Variants in DNAH3 observed in about 807,000 individuals in gnomAD.
The protein encoded by DNAH3 is dynein axonemal heavy chain 3, also known as axonemal beta dynein heavy chain 3.
Under a neutral mutation model 432.5 loss-of-function variants are expected in DNAH3, and 332 were observed. The ratio of observed to expected loss-of-function variants is 0.77; its 90% CI spans 0.70 to 0.84. The LOEUF (loss-of-function observed/expected upper bound fraction) is 0.84. Ranked by LOEUF, DNAH3 falls within the 40% of genes least tolerant of loss-of-function variation. DNAH3 has a pLI of 0.00. For missense variants in DNAH3, 4,861 were observed against 5,114.0 expected, an observed-to-expected ratio of 0.95 and a Z score of 1.51; for synonymous variants, 1,956 against 1,900.2, an observed-to-expected ratio of 1.03 and a Z score of -0.76.
intron 34 of DNAH3, among the ~76,000 whole-genome samples, 179 bp downstream of exon 34, chr16:21,037,582 A>C (rs973548214): frequency 1.3e-5 from 2 of 152,244 alleles, no homozygotes; most frequent in Admixed American, 1.3e-4. Flanking sequence ...AAAATCAGGC[A>C]GAGATGTTTG....
Position 20,987,924 on chromosome 16 carries a change from GAC to G in DNAH3, c.6725+16_6725+17del. ...GAACCCCCAGCCCACTATCCAGGAA[GAC>G]AGAGAAACCTCTTACCTTAAAAACA... is the stretch of plus-strand genomic sequence containing the variant. On this transcript the variant is annotated intron_variant, in intron 45 of 61. Coordinates refer to ENST00000261383, the Ensembl canonical transcript of DNAH3. 6.2e-7 allele frequency: 1 copy of G among 1,614,170 alleles called. No homozygotes were observed. Among genetic ancestry groups the G allele is most frequent in the Admixed American group, 1.7e-5 (1 of 60,010 alleles).
exon 55 of DNAH3, chr16:20,954,833 C>T: frequency 1.2e-6 from 2 of 1,614,126 alleles, no homozygotes; most frequent in Non-Finnish European, 1.7e-6. Flanking sequence ...GAAGTTTCTT[C>T]TCTCTTGAAC....
chr16:21,089,246 G>A (rs1436713043), intron 18 of DNAH3, among the ~76,000 whole-genome samples: 2 of 152,162 alleles, frequency 1.3e-5, no homozygotes, highest in Non-Finnish European at 2.9e-5. Flanking sequence ...AGCCACTGCA[G>A]GGGAAAAGTG....
chr16:21,127,037 G>A lies in DNAH3; in HGVS notation c.1208+650C>T, dbSNP rs373243143. ...AAAAATAAGGTGCACAGTAAATGCCGTGTGCTTGAATCACCCCGAAACCAT... is the reference window on the plus strand; with the variant it reads ...AAAAATAAGGTGCACAGTAAATGCCATGTGCTTGAATCACCCCGAAACCAT... On this transcript the variant is annotated intron_variant, in intron 8 of 61. Transcript: ENST00000261383. Among the ~76,000 whole-genome samples the A allele has an allele frequency of 1.6e-4, 24 of 152,108 alleles. 1 individual carries two copies. In the South Asian group the frequency reaches 4.0e-3, roughly 25 times the overall value.
intron 53 of DNAH3, among the ~76,000 whole-genome samples, chr16:20,962,501 T>C (rs1206223367): frequency 6.6e-6 from 1 of 152,162 alleles, no homozygotes; most frequent in Non-Finnish European, 1.5e-5. Flanking sequence ...AGTGGGGGAA[T>C]GGAGAGCCAG....
intron 41 of DNAH3, 128 bp downstream of exon 41, chr16:21,019,496 T>G: frequency 9.8e-7 from 1 of 1,020,814 alleles, no homozygotes; most frequent in Non-Finnish European, 1.4e-6. Flanking sequence ...CCTTACATAT[T>G]TATTAGCCAC....
At chr16:21,079,295 C>T (rs568064004) in intron 20 of DNAH3, among the ~76,000 whole-genome samples, 27 of 152,210 alleles carry the variant, frequency 1.8e-4, no homozygotes, top group South Asian at 1.7e-3. Flanking sequence ...AATATTAGGA[C>T]GGTAGGACCT....
chr16:20,941,722 C>A (rs912557715), intron 58 of DNAH3, among the ~76,000 whole-genome samples, 179 bp from the exon 59 acceptor site: 4 of 151,654 alleles, frequency 2.6e-5, no homozygotes, highest in Admixed American at 1.3e-4. Flanking sequence ...CATCACCCCA[C>A]CAGCCTTGGG....
chr16:21,032,019 AG>A (rs1172034876), intron 36 of DNAH3, among the ~76,000 whole-genome samples: 1 of 145,544 alleles, frequency 6.9e-6, no homozygotes, highest in Non-Finnish European at 1.5e-5. Context: ...TGGGCGACAG[AG>A]TAAGACTCTG....
At chr16:21,027,252 T>G in intron 37 of DNAH3, 125 bp from the exon 38 acceptor site, 2 of 701,252 alleles carry the variant, frequency 2.9e-6, no homozygotes, top group Non-Finnish European at 5.1e-6. Flanking sequence ...GCACTTATGA[T>G]GTCCCAGGCA....
intron 44 of DNAH3, among the ~76,000 whole-genome samples, chr16:20,994,628 A>G (rs1179726414): frequency 1.4e-4 from 22 of 152,140 alleles, no homozygotes; most frequent in Admixed American, 1.4e-3. Flanking sequence ...TCATTCATTC[A>G]TTCAACATTC....
intron 48 of DNAH3, 172 bp from the exon 49 acceptor site, chr16:20,983,058 T>C: frequency 3.3e-6 from 2 of 613,426 alleles, no homozygotes; most frequent in Admixed American, 5.8e-5. Context: ...TGCGGGCTAA[T>C]TAGTGGGATA....
intron 31 of DNAH3, among the ~76,000 whole-genome samples, chr16:21,048,641 G>A (rs959845999): frequency 2.0e-5 from 3 of 151,912 alleles, no homozygotes; most frequent in Non-Finnish European, 2.9e-5. Context: ...CGTCTTCTTC[G>A]TCGCTCACGC....
intron 41 of DNAH3, among the ~76,000 whole-genome samples, chr16:21,009,361 G>A (rs774320961): frequency 2.0e-5 from 3 of 152,212 alleles, no homozygotes; most frequent in Non-Finnish European, 2.9e-5. Flanking sequence ...ATGAAATCAG[G>A]TAGACAAGCA....
intron 44 of DNAH3, among the ~76,000 whole-genome samples, chr16:20,993,422 TAGG>T (rs2086638655): frequency 6.6e-6 from 1 of 152,204 alleles, no homozygotes; most frequent in African/African-American, 2.4e-5. Flanking sequence ...ATCCATTTTC[TAGG>T]AGATTCCTGA....
chr16:21,027,901 C>T (rs1014784121), intron 37 of DNAH3, among the ~76,000 whole-genome samples: 8 of 152,196 alleles, frequency 5.3e-5, no homozygotes, highest in Admixed American at 5.2e-4. Context: ...TTGCTCAATT[C>T]TTTCACAAAA....
rs375362359 is a variant in DNAH3 at position 21,019,704 on chromosome 16, T to C, written c.5942A>G (p.Asn1981Ser). ...GTTATCATCCATGCCCATGATCAGG[T>C]TGCGGAAAAACACATCAAATTTCTT... Residue 1981 changes from asparagine (N) to serine (S), a missense_variant, in exon 41 of 62, where the codon AAC (asparagine) becomes AGC (serine). Physicochemically the swap from Asn to Ser is conservative, Grantham distance 46. Transcript: ENST00000261383. 1.5e-4 allele frequency: 247 copies of C among 1,614,046 alleles called. 4 individuals are homozygous for C. Among genetic ancestry groups the C allele is most frequent in the Admixed American group, 3.5e-4 (21 of 59,984 alleles).
chr16:20,944,825 C>A (rs1411883907), intron 57 of DNAH3, among the ~76,000 whole-genome samples, 162 bp from the exon 58 acceptor site: 1 of 151,740 alleles, frequency 6.6e-6, no homozygotes, highest in Non-Finnish European at 1.5e-5. Context: ...CAACCCTAGC[C>A]CTCCCTCATA....
chr16:21,012,598 G>C (rs2087657149), intron 41 of DNAH3, among the ~76,000 whole-genome samples: 1 of 152,146 alleles, frequency 6.6e-6, no homozygotes, highest in Non-Finnish European at 1.5e-5. Context: ...ATAACAGTCA[G>C]AAAATAAGTA....
Sources: gnomAD v4.1 joint callset for allele counts (sites outside exome capture counted in the v4.1 genomes callset) on GRCh38, gnomAD v4.1.1 for gene constraint, MANE v1.5 for transcripts, NCBI Gene and HGNC (gene_info 2026-07-23, HGNC 2026-07-21) for gene names.